RIMS1: variants seen among roughly 807,000 people sequenced by gnomAD.
RIMS1 encodes regulating synaptic membrane exocytosis protein 1.
A neutral mutation model predicts 214.1 loss-of-function variants in RIMS1; 83 were observed. That is an observed-to-expected ratio of 0.39 (90% CI 0.32 to 0.47). The LOEUF is 0.47. Among genes scored for constraint, RIMS1 ranks in the 20% least tolerant of loss-of-function variants. The pLI is 0.99. For synonymous variants in RIMS1, 793 were observed against 786.8 expected (o/e 1.01, Z -0.13); for missense variants, 2,050 against 2,161.8 (o/e 0.95, Z 1.03).
At chr6:72,014,926 T>C (rs1024357243) in intron 2 of RIMS1, among the ~76,000 whole-genome samples, 17 of 152,228 alleles carry the variant, frequency 1.1e-4, no homozygotes, top group African/African-American at 4.1e-4. Context: ...CGGCTCAGAT[T>C]TTGTATTAGG....
At chr6:72,170,256 A>C (rs1247764402) in intron 4 of RIMS1, among the ~76,000 whole-genome samples, 1 of 152,176 alleles carries the variant, frequency 6.6e-6, no homozygotes, top group Non-Finnish European at 1.5e-5. Context: ...ACCACCACTC[A>C]GAGTGCCCAA....
At chr6:72,005,372 A>G (rs918057312) in intron 2 of RIMS1, among the ~76,000 whole-genome samples, 4 of 152,142 alleles carry the variant, frequency 2.6e-5, no homozygotes, top group Non-Finnish European at 5.9e-5. Flanking sequence ...TTGGTTCCAT[A>G]TGAACATTAA....
chr6:72,063,768 G>C (rs1385399871), intron 2 of RIMS1, among the ~76,000 whole-genome samples: 3 of 152,162 alleles, frequency 2.0e-5, no homozygotes, highest in Non-Finnish European at 1.5e-5. Context: ...GTTTTAGTTT[G>C]TATTCGTTTT....
At chr6:72,127,895 C>CCATACATA (rs138499314) in intron 4 of RIMS1, among the ~76,000 whole-genome samples, 1 of 152,268 alleles carries the variant, frequency 6.6e-6, no homozygotes, top group East Asian at 1.9e-4. Flanking sequence ...ACAACCCACT[C>CCATACATA]CATACATGAT....
intron 4 of RIMS1, among the ~76,000 whole-genome samples, chr6:72,137,732 A>G (rs1020130000): frequency 6.8e-6 from 1 of 146,678 alleles, no homozygotes; most frequent in Non-Finnish European, 1.5e-5. Context: ...AGTCTATACA[A>G]TCTTTTTTTT....
At chr6:72,118,199 A>G (rs1587424720) in intron 4 of RIMS1, among the ~76,000 whole-genome samples, 1 of 151,822 alleles carries the variant, frequency 6.6e-6, no homozygotes, top group African/African-American at 2.4e-5. Context: ...TCCTGGAAAT[A>G]TACAATACTT....
intron 11 of RIMS1, among the ~76,000 whole-genome samples, chr6:72,247,294 A>C (rs1563028235): frequency 6.6e-6 from 1 of 152,028 alleles, no homozygotes; most frequent in Non-Finnish European, 1.5e-5. Flanking sequence ...ACTAAGATAG[A>C]TGGGGAGGCC....
chr6:72,105,171 C>T (rs958716286), intron 4 of RIMS1, among the ~76,000 whole-genome samples: 4 of 152,050 alleles, frequency 2.6e-5, no homozygotes, highest in African/African-American at 4.8e-5. Context: ...TGGGCTCAAG[C>T]GATCCTCCTG....
chr6:71,944,231 T>C (rs1787085493), intron 1 of RIMS1, among the ~76,000 whole-genome samples: 1 of 152,354 alleles, frequency 6.6e-6, no homozygotes, highest in Admixed American at 6.5e-5. Context: ...AAAAATAGGC[T>C]ACATACATGT....
intron 4 of RIMS1, among the ~76,000 whole-genome samples, chr6:72,177,476 T>G (rs1479275728): frequency 6.6e-6 from 1 of 152,100 alleles, no homozygotes; most frequent in Non-Finnish European, 1.5e-5. Flanking sequence ...GATCTCGAAC[T>G]CCTGACCTCA....
At chr6:71,908,345 G>A (rs557185228) in intron 1 of RIMS1, among the ~76,000 whole-genome samples, 9 of 152,274 alleles carry the variant, frequency 5.9e-5, no homozygotes, top group East Asian at 1.9e-4. Context: ...AGTCATTTCC[G>A]GAGAGGAGTG....
chr6:72,158,829 C>T (rs1325550753), intron 4 of RIMS1, among the ~76,000 whole-genome samples: 1 of 139,758 alleles, frequency 7.2e-6, no homozygotes, highest in African/African-American at 2.5e-5. Context: ...TGGATTGGTT[C>T]CAGGTCTTTG....
Position 72,316,797 on chromosome 6 carries a change from C to T in RIMS1, c.4130+3125C>T, listed in dbSNP as rs574714906. 10 of 736,052 alleles carry T rather than the reference C, an allele frequency of 1.4e-5. No homozygotes were observed. In the East Asian group the frequency reaches 2.1e-4, roughly 15 times the overall value. The allele number at this position is 736,052 out of a possible 1,614,324, so 45.6% of individuals were successfully genotyped here. ...GCCAGTTGACGGTAGACACTGGGGA[C>T]AGTAGGTGGGTGGTGGTGCCAAGGG... On this transcript the variant is annotated intron_variant, in intron 28 of 33. Transcript: ENST00000521978.
In RIMS1 at chr6:72,400,719, C is replaced by CTCA. The variant is rs1190994163; in HGVS notation, c.*7_*9dup. On this transcript the variant is annotated 3_prime_UTR_variant, in exon 34 of 34. Coordinates refer to ENST00000521978, the MANE Select transcript of RIMS1 (RefSeq NM_014989.7). ...CCTCCCTGTATTCGATCATAGTGAA[C>CTCA]TCATACCAGAGTCATTCCAATAAAA... is the stretch of plus-strand genomic sequence containing the variant. 1.3e-6 allele frequency: 2 copies of CTCA among 1,595,560 alleles called. No homozygotes were observed.
chr6:72,355,467 A>G lies in RIMS1; in HGVS notation c.4366+21632A>G, dbSNP rs180829206. Among the ~76,000 whole-genome samples, 1,006 of 152,248 alleles carry G rather than the reference A, an allele frequency of 6.6e-3. 39 individuals carry two copies. Among genetic ancestry groups the G allele is most frequent in the Admixed American group, 0.06 (921 of 15,290 alleles). ...TATTTGGGGTTGTAAAGATTTTTAAATTATTAAAATTATTGTTCCTTGATT... is the reference window on the plus strand; with the variant it reads ...TATTTGGGGTTGTAAAGATTTTTAAGTTATTAAAATTATTGTTCCTTGATT... On this transcript the variant is annotated intron_variant, in intron 29 of 33. Coordinates refer to ENST00000521978, the MANE Select transcript of RIMS1 (RefSeq NM_014989.7).
chr6:72,342,506 T>G (rs76133575), intron 29 of RIMS1, among the ~76,000 whole-genome samples: 2,213 of 151,886 alleles, frequency 0.015, 24 homozygotes, highest in Non-Finnish European at 0.022. Flanking sequence ...TTCAGGGAGC[T>G]TAGCATTAGG....
At chr6:72,039,665 T>C (rs532315868) in intron 2 of RIMS1, among the ~76,000 whole-genome samples, 1 of 152,190 alleles carries the variant, frequency 6.6e-6, no homozygotes, top group Admixed American at 6.6e-5. Flanking sequence ...AAAATATTTT[T>C]TGTATCGGAT....
At chr6:72,173,909 G>C (rs990099343) in intron 4 of RIMS1, among the ~76,000 whole-genome samples, 1 of 152,008 alleles carries the variant, frequency 6.6e-6, no homozygotes, top group East Asian at 1.9e-4. Flanking sequence ...AATGAGAAAG[G>C]CTCTTTGCAG....
intron 2 of RIMS1, among the ~76,000 whole-genome samples, chr6:71,998,587 T>C (rs1804184289): frequency 6.6e-6 from 1 of 152,202 alleles, no homozygotes; most frequent in Non-Finnish European, 1.5e-5. Flanking sequence ...AATAAATCTT[T>C]GCTGAATAAA....
Sources: allele counts gnomAD v4.1 joint callset (sites outside exome capture counted in the v4.1 genomes callset), GRCh38; gene constraint gnomAD v4.1.1; transcripts MANE v1.5; gene names NCBI Gene and HGNC (gene_info 2026-07-23, HGNC 2026-07-21).